AGPS: variants seen among roughly 807,000 people sequenced by gnomAD.
AGPS encodes alkylglycerone phosphate synthase.
A neutral mutation model predicts 90.7 loss-of-function variants in AGPS; 26 were observed. The ratio of observed to expected loss-of-function variants is 0.29; its 90% CI spans 0.21 to 0.40. The LOEUF (loss-of-function observed/expected upper bound fraction) is 0.40, where lower values mean the gene tolerates loss of function less well. Ranked by LOEUF, AGPS falls within the 10% of genes least tolerant of loss-of-function variation. The probability of loss-of-function intolerance (pLI) is 1.00; values close to 1 mark genes in which losing one functional copy is unlikely to be tolerated. For synonymous variants in AGPS, 294 were observed against 285.3 expected, an observed-to-expected ratio of 1.03 and a Z score of -0.31; for missense variants, 540 against 816.1, an observed-to-expected ratio of 0.66 and a Z score of 4.12.
intron 1 of AGPS, among the ~76,000 whole-genome samples, chr2:177,417,543 G>A (rs1420039156): frequency 6.6e-6 from 1 of 152,112 alleles, no homozygotes; most frequent in African/African-American, 2.4e-5. Flanking sequence ...CAAATATTCT[G>A]GTTATCTGAC....
intron 10 of AGPS, among the ~76,000 whole-genome samples, chr2:177,479,611 A>G (rs1027239424): frequency 3.3e-5 from 5 of 152,258 alleles, no homozygotes; most frequent in Non-Finnish European, 1.5e-5. Flanking sequence ...AAATATTAAT[A>G]CATGCTATAG....
At chr2:177,432,503 A>C (rs1047490856) in intron 2 of AGPS, among the ~76,000 whole-genome samples, 1 of 152,222 alleles carries the variant, frequency 6.6e-6, no homozygotes, top group African/African-American at 2.4e-5. Context: ...GTTTCTTAAA[A>C]ACAGGAGTCA....
In AGPS at chr2:177,457,533, C is replaced by T. The variant is rs183056861; in HGVS notation, c.871-4360C>T. On this transcript the variant is annotated intron_variant, in intron 8 of 19. Transcript: ENST00000264167. ...CTGATCCCACAGAAATACAAACTACCATCAGAGAATACTATAAATGCCTCT... is the reference window on the plus strand; with the variant it reads ...CTGATCCCACAGAAATACAAACTACTATCAGAGAATACTATAAATGCCTCT... Among the ~76,000 whole-genome samples the T allele has an allele frequency of 2.4e-3, 371 of 152,228 alleles. 2 individuals are homozygous for T. Among genetic ancestry groups the T allele is most frequent in the African/African-American group, 8.4e-3 (351 of 41,556 alleles).
chr2:177,505,480 ATT>A (rs1480579016), intron 14 of AGPS, 24 bp from the exon 15 acceptor site: 1 of 1,598,860 alleles, frequency 6.3e-7, no homozygotes, highest in Non-Finnish European at 8.6e-7. Flanking sequence ...TAAAAAATTT[ATT>A]AACAGTTTGT....
intron 17 of AGPS, among the ~76,000 whole-genome samples, chr2:177,516,852 G>T (rs1010903398): frequency 6.6e-6 from 1 of 151,976 alleles, no homozygotes; most frequent in Non-Finnish European, 1.5e-5. Context: ...AGTGCCCTTG[G>T]AGTTAAAATG....
chr2:177,500,520 G>C (rs1418562311), intron 14 of AGPS, among the ~76,000 whole-genome samples: 5 of 150,878 alleles, frequency 3.3e-5, no homozygotes, highest in Admixed American at 3.3e-4. Flanking sequence ...ACTTAATTTG[G>C]ACCCATGTGT....
chr2:177,404,459 TC>T (rs911060544), intron 1 of AGPS, among the ~76,000 whole-genome samples: 2 of 152,126 alleles, frequency 1.3e-5, no homozygotes, highest in African/African-American at 4.8e-5. Flanking sequence ...CAGTTTTCAT[TC>T]CCTGCCGCCC....
At chr2:177,491,101 G>T (rs6725096) in intron 11 of AGPS, among the ~76,000 whole-genome samples, 130,839 of 151,524 alleles carry the variant, frequency 0.86, 56,672 homozygotes, top group East Asian at 0.95. Context: ...GTGATCCACC[G>T]CCTCAGCCTC....
intron 10 of AGPS, among the ~76,000 whole-genome samples, chr2:177,475,441 A>G (rs748838516): frequency 1.3e-5 from 2 of 152,130 alleles, no homozygotes; most frequent in Non-Finnish European, 2.9e-5. Context: ...TCTTTTAGCT[A>G]TCACCATTCC....
intron 2 of AGPS, among the ~76,000 whole-genome samples, chr2:177,424,911 A>C (rs965720097): frequency 6.6e-6 from 1 of 152,098 alleles, no homozygotes; most frequent in African/African-American, 2.4e-5. Flanking sequence ...TCCTTTGCCC[A>C]CTTTTTAATG....
intron 14 of AGPS, among the ~76,000 whole-genome samples, chr2:177,501,730 T>C (rs1341656286): frequency 1.3e-5 from 2 of 152,126 alleles, no homozygotes; most frequent in Admixed American, 1.3e-4. Context: ...TGCAGTGGTG[T>C]GATCTCAGCT....
intron 8 of AGPS, among the ~76,000 whole-genome samples, chr2:177,449,200 A>G (rs1245866856): frequency 2.6e-5 from 4 of 152,210 alleles, no homozygotes; most frequent in Non-Finnish European, 5.9e-5. Context: ...TCCTTTCGGT[A>G]AGTAACTGGA....
Position 177,505,445 on chromosome 2 carries a change from A to T in AGPS, c.1476-61A>T, listed in dbSNP as rs190799218. The T allele has an allele frequency of 9.7e-5, 134 of 1,388,136 alleles. No homozygotes were observed. The East Asian group carries it at 3.0e-3, about 31-fold the overall frequency. The allele number at this position is 1,388,136 out of a possible 1,614,324, so 86.0% of individuals were successfully genotyped here. A position where few individuals can be genotyped will look rare whatever the true frequency, so the allele number is the denominator to read the frequency against. On this transcript the variant is annotated intron_variant, in intron 14 of 19. Coordinates refer to ENST00000264167, the MANE Select transcript of AGPS (RefSeq NM_003659.4). ...CTTATTCTCTTGACAGCTTTTTGAT[A>T]CATTTATGATAAATGAGATTAAGAT...
chr2:177,535,991 T>C (rs2079180678), intron 19 of AGPS, among the ~76,000 whole-genome samples: 1 of 152,030 alleles, frequency 6.6e-6, no homozygotes, highest in African/African-American at 2.4e-5. Context: ...TTTGACAAGA[T>C]AGATGTGTAA....
chr2:177,395,412 C>T (rs1354986239), intron 1 of AGPS, among the ~76,000 whole-genome samples: 6 of 152,122 alleles, frequency 3.9e-5, no homozygotes, highest in Admixed American at 2.0e-4. Flanking sequence ...GTCTTTGGTT[C>T]GGGGTTAGAC....
At chr2:177,488,847 A>G (rs980335273) in intron 11 of AGPS, among the ~76,000 whole-genome samples, 2 of 152,192 alleles carry the variant, frequency 1.3e-5, no homozygotes, top group African/African-American at 4.8e-5. Context: ...CCAGAGTTAC[A>G]TGGCTGCCAT....
intron 10 of AGPS, among the ~76,000 whole-genome samples, chr2:177,469,631 A>G (rs1304610378): frequency 6.6e-6 from 1 of 151,962 alleles, no homozygotes; most frequent in African/African-American, 2.4e-5. Context: ...TTAAAATAAT[A>G]TGGTTACTTA....
chr2:177,531,281 C>G (rs1348263435), intron 19 of AGPS, among the ~76,000 whole-genome samples: 2 of 151,998 alleles, frequency 1.3e-5, no homozygotes, highest in Non-Finnish European at 2.9e-5. Context: ...AAAGAATGTA[C>G]AAAAACAAAG....
chr2:177,411,853 C>T (rs768180495), intron 1 of AGPS, among the ~76,000 whole-genome samples: 1 of 152,130 alleles, frequency 6.6e-6, no homozygotes, highest in Non-Finnish European at 1.5e-5. Flanking sequence ...AAGGCCCTGG[C>T]CAAGGAGCCA....
Sources: gnomAD v4.1 joint callset for allele counts (sites outside exome capture counted in the v4.1 genomes callset) on GRCh38, gnomAD v4.1.1 for gene constraint, MANE v1.5 for transcripts, NCBI Gene and HGNC (gene_info 2026-07-23, HGNC 2026-07-21) for gene names.